Variants in EMSY observed in about 807,000 individuals in gnomAD.
The protein encoded by EMSY is EMSY transcriptional repressor, BRCA2 interacting.
A neutral mutation model predicts 134.6 loss-of-function variants in EMSY; 26 were observed. The observed-to-expected ratio is 0.19, with a 90% CI of 0.14 to 0.27. The LOEUF (loss-of-function observed/expected upper bound fraction) is 0.27. Among genes scored for constraint, EMSY ranks in the 10% least tolerant of loss-of-function variants. The probability of loss-of-function intolerance (pLI) is 1.00; values close to 1 mark genes in which losing one functional copy is unlikely to be tolerated. For synonymous variants in EMSY, 579 were observed against 577.8 expected, an observed-to-expected ratio of 1.00 and a Z score of -0.03; for missense variants, 1,305 against 1,611.4, an observed-to-expected ratio of 0.81 and a Z score of 3.26.
In EMSY at chr11:76,445,586, C is replaced by T. The variant is rs549046128; in HGVS notation, c.-40+458C>T. 2.0e-4 allele frequency among the ~76,000 whole-genome samples: 31 copies of T among 152,138 alleles called. No homozygotes were observed. In the East Asian group the frequency reaches 5.6e-3, roughly 28 times the overall value. On this transcript the variant is annotated intron_variant, in intron 1 of 20. Coordinates refer to ENST00000334736, the Ensembl canonical transcript of EMSY. ...GTGTTTGGAGAGGGGGCGGGGCGGG[C>T]TTGTCTCCTTGACACTTGAGTGGGG...
intron 1 of EMSY, among the ~76,000 whole-genome samples, chr11:76,445,864 T>C (rs1947363443): frequency 6.6e-6 from 1 of 152,172 alleles, no homozygotes; most frequent in Non-Finnish European, 1.5e-5. Flanking sequence ...TATGTCATAC[T>C]GCCGGCTGGG....
At chr11:76,513,452 T>C (rs1402113646) in exon 10 of EMSY, 1 of 1,613,608 alleles carries the variant, frequency 6.2e-7, no homozygotes, top group Non-Finnish European at 8.5e-7. Context: ...ACAGCAACTC[T>C]ACCCACCAGT....
intron 18 of EMSY, among the ~76,000 whole-genome samples, chr11:76,542,753 G>GTTTTTTGTTTTTTTTT (rs749234059): frequency 2.7e-5 from 3 of 109,254 alleles, no homozygotes; most frequent in Non-Finnish European, 5.6e-5. Flanking sequence ...TTCGTTTTTT[G>GTTTTTTGTTTTTTTTT]TTTTTTTTTT....
intron 7 of EMSY, among the ~76,000 whole-genome samples, chr11:76,467,818 C>G (rs958977010): frequency 2.0e-5 from 3 of 151,916 alleles, no homozygotes; most frequent in African/African-American, 7.3e-5. Flanking sequence ...CATGGAGAAA[C>G]GCTGTCCCTA....
intron 6 of EMSY, chr11:76,460,468 T>C: frequency 6.3e-6 from 1 of 159,818 alleles, no homozygotes; most frequent in African/African-American, 2.4e-5. Flanking sequence ...GATTATTTTA[T>C]ATAATGTATT....
At chr11:76,469,696 G>T (rs145741274) in intron 7 of EMSY, among the ~76,000 whole-genome samples, 1 of 152,240 alleles carries the variant, frequency 6.6e-6, no homozygotes, top group Admixed American at 6.5e-5. Context: ...TGCAAGGTAG[G>T]TATTATTATC....
intron 1 of EMSY, among the ~76,000 whole-genome samples, chr11:76,446,445 A>C (rs17245270): frequency 0.27 from 40,911 of 151,676 alleles, 5,808 homozygotes; most frequent in Non-Finnish European, 0.32. Flanking sequence ...ACTTGCTAGG[A>C]GCTTTACAAA....
exon 20 of EMSY, chr11:76,546,188 C>T (rs200500997): frequency 3.1e-4 from 507 of 1,614,030 alleles, no homozygotes; most frequent in Non-Finnish European, 4.1e-4. Context: ...TCTTCCCTAA[C>T]GACAAGGAAA....
At chr11:76,462,771 A>G (rs1270243951) in intron 6 of EMSY, among the ~76,000 whole-genome samples, 4 of 152,206 alleles carry the variant, frequency 2.6e-5, no homozygotes, top group Non-Finnish European at 5.9e-5. Context: ...TGTAACAGGT[A>G]TTGTGTTCTT....
chr11:76,491,041 T>TA (rs1405221947), intron 8 of EMSY, among the ~76,000 whole-genome samples: 1 of 152,212 alleles, frequency 6.6e-6, no homozygotes, highest in Non-Finnish European at 1.5e-5. Flanking sequence ...AGTTTCCTGA[T>TA]ATGTAACCAA....
intron 14 of EMSY, among the ~76,000 whole-genome samples, chr11:76,534,592 A>C (rs1951160134): frequency 6.6e-6 from 1 of 152,086 alleles, no homozygotes; most frequent in Non-Finnish European, 1.5e-5. Context: ...TTTTTCAACA[A>C]CTTTGTGGCT....
At chr11:76,513,593 C>G in intron 10 of EMSY, 58 bp downstream of exon 11, 1 of 1,570,010 alleles carries the variant, frequency 6.4e-7, no homozygotes, top group South Asian at 1.2e-5. Flanking sequence ...AACAGTTTCT[C>G]TGTACCAGCA....
In EMSY at chr11:76,454,812, A is replaced by G; in HGVS notation, c.245+1424A>G. ...ACAGGTATGCAAATAGGTTATTATT[A>G]TTTCAGGCTTTTTCTTGTATTTATT... On this transcript the variant is annotated intron_variant, in intron 4 of 20. Transcript: ENST00000334736. 2.1e-6 allele frequency: 3 copies of G among 1,419,266 alleles called. 1 individual carries two copies. The South Asian group carries it at 3.9e-5, about 18-fold the overall frequency. 87.9% of individuals were successfully genotyped at this position (1,419,266 alleles called of 1,614,324 possible).
At chr11:76,494,774 C>T (rs1276525408) in intron 8 of EMSY, among the ~76,000 whole-genome samples, 1 of 149,992 alleles carries the variant, frequency 6.7e-6, no homozygotes, top group African/African-American at 2.5e-5. Context: ...TTTCTTCTGT[C>T]GCCCAGGCTG....
chr11:76,530,163 T>TG (rs1950983684), intron 14 of EMSY, among the ~76,000 whole-genome samples: 1 of 149,328 alleles, frequency 6.7e-6, no homozygotes, highest in African/African-American at 2.5e-5. Flanking sequence ...GGGTTTTTTT[T>TG]TTTTTTTTTT....
At chr11:76,535,830 GT>G (rs202063699) in intron 14 of EMSY, 64 bp from the exon 16 acceptor site, 57,958 of 831,352 alleles carry the variant, frequency 0.07, 1 homozygote, top group Non-Finnish European at 0.076. Flanking sequence ...AAAATTGTTT[GT>G]TTTTTTTTTT....
At chr11:76,522,623 A>G (rs1372878122) in intron 11 of EMSY, among the ~76,000 whole-genome samples, 3 of 152,006 alleles carry the variant, frequency 2.0e-5, no homozygotes, top group Non-Finnish European at 4.4e-5. Context: ...AGCCTCTCAA[A>G]ATACTGGGAT....
intron 9 of EMSY, 66 bp downstream of exon 10, chr11:76,496,535 G>A: frequency 1.3e-6 from 2 of 1,542,240 alleles, no homozygotes; most frequent in East Asian, 2.2e-5. Flanking sequence ...TAGTCTTCCA[G>A]TCCATGAACA....
rs140615096 is a variant in EMSY, at chr11:76,521,007, T to C, written c.1685-2148T>C. ...GGAAATTACAGGAGCAAAAGTAGCA[T>C]TGGAATTTGTATGCTCAAAGACCAA... is the stretch of plus-strand genomic sequence containing the variant. On this transcript the variant is annotated intron_variant, in intron 11 of 20. Coordinates refer to ENST00000334736, the Ensembl canonical transcript of EMSY. 5.9e-5 allele frequency among the ~76,000 whole-genome samples: 9 copies of C among 152,244 alleles called. No individual in the cohort carries two copies. In the East Asian group the frequency reaches 7.7e-4, roughly 13 times the overall value.
Sources: allele counts gnomAD v4.1 joint callset (sites outside exome capture counted in the v4.1 genomes callset), GRCh38; gene constraint gnomAD v4.1.1; transcripts MANE v1.5; gene names NCBI Gene and HGNC (gene_info 2026-07-23, HGNC 2026-07-21).